STK10: variants seen among roughly 807,000 people sequenced by gnomAD.
STK10 encodes the protein serine/threonine kinase 10, also known as serine/threonine-protein kinase 10.
STK10 carries 78 observed loss-of-function variants against 113.8 expected under a neutral mutation model. The ratio of observed to expected loss-of-function variants is 0.69; its 90% CI spans 0.57 to 0.83. STK10 has a LOEUF of 0.83. STK10 is among the 40% of genes least tolerant of loss of function. The pLI, the probability that STK10 is intolerant of heterozygous loss-of-function variation, is 0.00. For synonymous variants in STK10, 465 were observed against 494.7 expected (o/e 0.94, Z 0.80); for missense variants, 1,109 against 1,280.1 (o/e 0.87, Z 2.04).
chr5:172,134,991 A>C (rs1769822785), intron 2 of STK10, among the ~76,000 whole-genome samples: 1 of 152,180 alleles, frequency 6.6e-6, no homozygotes, highest in African/African-American at 2.4e-5. Flanking sequence ...TATCTGATAA[A>C]GGACTAGTAT....
At chr5:172,065,700 T>A (rs929526534) in intron 12 of STK10, among the ~76,000 whole-genome samples, 2 of 152,144 alleles carry the variant, frequency 1.3e-5, no homozygotes, top group Non-Finnish European at 2.9e-5. Flanking sequence ...ACTGGTCCAG[T>A]GTGAGCTTTG....
chr5:172,082,255 C>T lies in STK10; in HGVS notation c.1989+71G>A. 4.9e-6 allele frequency: 7 copies of T among 1,430,664 alleles called. No individual in the cohort carries two copies. Among genetic ancestry groups the T allele is most frequent in the Middle Eastern group, 5.0e-4 (2 of 4,024 alleles). The allele number at this position is 1,430,664 out of a possible 1,614,324, so 88.6% of individuals were successfully genotyped here. On this transcript the variant is annotated intron_variant, in intron 12 of 18. Transcript: ENST00000176763. This position sits in a 1 kb window ranked among gnomAD's most constrained non-coding sequence, Gnocchi z 4.3. ...TCTGCTGCCAAGGTGAGGTTGAGGC[C>T]ACGATCACTTGCAACCAAGAAGGCC...
Position 172,093,952 on chromosome 5 carries a change from C to T in STK10, c.1014G>A (p.Glu338=). 6.7e-7 allele frequency: 1 copy of T among 1,486,052 alleles called. No individual in the cohort carries two copies. Among genetic ancestry groups the T allele is most frequent in the Non-Finnish European group, 9.0e-7 (1 of 1,116,520 alleles). The allele number at this position is 1,486,052 out of a possible 1,614,324, so 92.1% of individuals were successfully genotyped here. ...CCTCAGAGGAGTTCTGAGTATGGTT[C>T]TCCAGGGTCTAGAAAAATATATATA... The part of the protein sequence containing the change: ...EDAVDAASTL[E]NHTQNSSEVS... The change falls in exon 9 of 19, where the codon GAG becomes GAA. Residue 338 remains glutamate (E), a synonymous_variant. Transcript: ENST00000176763. This position sits in a 1 kb window ranked among gnomAD's most constrained non-coding sequence, Gnocchi z 4.1.
At chr5:172,105,577 C>T in intron 7 of STK10, 79 bp downstream of exon 7, 1 of 1,478,966 alleles carries the variant, frequency 6.8e-7, no homozygotes, top group Non-Finnish European at 9.4e-7. Context: ...GGGGTGAGAA[C>T]ATGCCCAGCG....
At chr5:172,184,745 G>A (rs988654117) in intron 1 of STK10, among the ~76,000 whole-genome samples, 4 of 152,096 alleles carry the variant, frequency 2.6e-5, no homozygotes, top group Non-Finnish European at 5.9e-5. Flanking sequence ...TCCGCCTCAC[G>A]GGTTCAAGCA....
chr5:172,155,449 G>C (rs12108898), intron 2 of STK10, among the ~76,000 whole-genome samples: 26,670 of 148,884 alleles, frequency 0.18, 2,472 homozygotes, highest in East Asian at 0.26. Flanking sequence ...AGTCAGCCGA[G>C]ATCGTGCCAC....
intron 12 of STK10, among the ~76,000 whole-genome samples, chr5:172,071,619 A>G (rs935319516): frequency 5.3e-5 from 8 of 152,162 alleles, no homozygotes; most frequent in Non-Finnish European, 1.0e-4. Flanking sequence ...ATGTACAGCT[A>G]CTACAGCTGT....
intron 4 of STK10, among the ~76,000 whole-genome samples, chr5:172,111,852 G>A (rs1025334704): frequency 6.6e-6 from 1 of 152,216 alleles, no homozygotes; most frequent in East Asian, 1.9e-4. Context: ...TAAAGAGACA[G>A]AATTTGCTAA....
Position 172,044,920 on chromosome 5 carries a change from C to A in STK10, c.2869G>T (p.Ala957Ser). 6.2e-7 allele frequency: 1 copy of A among 1,614,176 alleles called. No homozygotes were observed. Among genetic ancestry groups the A allele is most frequent in the South Asian group, 1.1e-5 (1 of 91,080 alleles). Reference sequence around the variant, plus strand: ...GCAGAACTGTAGGGGAAGAACTTGGCGGCCTTGCTTGGGGTGGAGGGGTTT... The same window carrying A: ...GCAGAACTGTAGGGGAAGAACTTGGAGGCCTTGCTTGGGGTGGAGGGGTTT... ...CPNPSTPSKA[A>S]KFFPYSSADA... The change falls in exon 19 of 19, where the codon GCC (alanine) becomes TCC (serine). Residue 957 changes from alanine to serine, a missense_variant. By Grantham distance (99) the Ala-to-Ser change is moderately conservative. Coordinates refer to ENST00000176763, the MANE Select transcript of STK10 (RefSeq NM_005990.4). This position sits in a 1 kb window ranked among gnomAD's most constrained non-coding sequence, Gnocchi z 4.5.
chr5:172,146,806 A>G (rs1485172891), intron 2 of STK10, among the ~76,000 whole-genome samples: 1 of 152,182 alleles, frequency 6.6e-6, no homozygotes, highest in Non-Finnish European at 1.5e-5. Flanking sequence ...TCACACCACA[A>G]TCATCAACAC....
At chr5:172,059,630 C>A (rs1767887237) in intron 14 of STK10, among the ~76,000 whole-genome samples, 1 of 152,050 alleles carries the variant, frequency 6.6e-6, no homozygotes, top group Non-Finnish European at 1.5e-5. Context: ...GTCTGAGCTC[C>A]CCACGCTGGA....
chr5:172,150,341 T>C (rs771198499), intron 2 of STK10, among the ~76,000 whole-genome samples: 55 of 151,152 alleles, frequency 3.6e-4, no homozygotes, highest in Non-Finnish European at 6.3e-4. Flanking sequence ...ATTAGCCGGG[T>C]GTGGTGGTGC....
chr5:172,064,556 C>A, intron 13 of STK10, 164 bp downstream of exon 13: 1 of 672,278 alleles, frequency 1.5e-6, no homozygotes. Context: ...AGGAAGGCTG[C>A]ATGGAGGAGG....
chr5:172,101,712 T>C (rs1004079634), intron 7 of STK10, among the ~76,000 whole-genome samples: 2 of 150,296 alleles, frequency 1.3e-5, no homozygotes, highest in African/African-American at 2.5e-5. Flanking sequence ...ATGTGGGGAG[T>C]GTAGTGGGTT....
intron 17 of STK10, 197 bp from the exon 18 acceptor site, chr5:172,053,239 A>C: frequency 1.8e-6 from 1 of 566,544 alleles, no homozygotes; most frequent in Non-Finnish European, 3.1e-6. Flanking sequence ...AGTCCAGAAT[A>C]TGTTAATAGT....
At chr5:172,099,326 G>C (rs1768928300) in intron 7 of STK10, among the ~76,000 whole-genome samples, 1 of 152,160 alleles carries the variant, frequency 6.6e-6, no homozygotes, top group Admixed American at 6.5e-5. Context: ...GATCACCTGA[G>C]GTCAGGAGTT....
intron 4 of STK10, among the ~76,000 whole-genome samples, chr5:172,116,825 G>A (rs147857902): frequency 0.015 from 2,298 of 151,048 alleles, 62 homozygotes; most frequent in African/African-American, 0.051. Flanking sequence ...CCGAGATTTC[G>A]CCACTGCACT....
chr5:172,136,222 C>T lies in STK10; in HGVS notation c.322-8801G>A, dbSNP rs896946819. ...GATGAAATAGAAAAATTCCTAGAAA[C>T]ACAACCTGGCAAGCCTGGATCATGA... is the stretch of plus-strand genomic sequence containing the variant. On this transcript the variant is annotated intron_variant, in intron 2 of 18. Transcript: ENST00000176763. Among the ~76,000 whole-genome samples the T allele has an allele frequency of 4.6e-5, 7 of 152,112 alleles. No individual in the cohort carries two copies. The South Asian group carries it at 6.2e-4, about 13-fold the overall frequency.
At chr5:172,098,003 A>T (rs1461496460) in intron 7 of STK10, among the ~76,000 whole-genome samples, 1 of 152,114 alleles carries the variant, frequency 6.6e-6, no homozygotes, top group East Asian at 1.9e-4. Context: ...GAAAGGAATG[A>T]TGGGGTGGGG....
Sources: allele counts gnomAD v4.1 joint callset (sites outside exome capture counted in the v4.1 genomes callset), GRCh38; gene constraint gnomAD v4.1.1; non-coding constraint Gnocchi (gnomAD v3.1); transcripts MANE v1.5; gene names NCBI Gene and HGNC (gene_info 2026-07-23, HGNC 2026-07-21).